Variants in CCSER1 observed in about 807,000 individuals in gnomAD.
The protein encoded by CCSER1 is serine-rich coiled-coil domain-containing protein 1.
Under a neutral mutation model 82.0 loss-of-function variants are expected in CCSER1, and 41 were observed. That is an observed-to-expected ratio of 0.50 (90% CI 0.39 to 0.65). CCSER1 has a LOEUF of 0.65. Ranked by LOEUF, CCSER1 falls within the 30% of genes least tolerant of loss-of-function variation. The probability of loss-of-function intolerance (pLI) is 0.00; values close to 1 mark genes in which losing one functional copy is unlikely to be tolerated. For missense variants in CCSER1, 1,119 were observed against 1,064.2 expected, an observed-to-expected ratio of 1.05 and a Z score of -0.72; for synonymous variants, 414 against 383.9, an observed-to-expected ratio of 1.08 and a Z score of -0.92.
chr4:91,050,652 T>G (rs996195777), intron 9 of CCSER1, among the ~76,000 whole-genome samples: 1 of 152,174 alleles, frequency 6.6e-6, no homozygotes, highest in Non-Finnish European at 1.5e-5. Context: ...CTTTGTCTTG[T>G]TTCAACTAGT....
chr4:91,276,208 T>C (rs1405821204), intron 10 of CCSER1, among the ~76,000 whole-genome samples: 4 of 151,980 alleles, frequency 2.6e-5, no homozygotes, highest in African/African-American at 7.2e-5. Flanking sequence ...GACATTGGTA[T>C]TTTATTAAGG....
intron 4 of CCSER1, among the ~76,000 whole-genome samples, chr4:90,441,313 A>T (rs1475660832): frequency 6.6e-6 from 1 of 152,140 alleles, no homozygotes; most frequent in Non-Finnish European, 1.5e-5. Flanking sequence ...AGTGGCCTAA[A>T]CAATAGATAT....
intron 4 of CCSER1, among the ~76,000 whole-genome samples, chr4:90,421,828 G>A (rs1315576592): frequency 2.0e-5 from 3 of 152,014 alleles, no homozygotes; most frequent in Non-Finnish European, 4.4e-5. Flanking sequence ...GCTTTTTATT[G>A]AAAAATTGGT....
intron 10 of CCSER1, among the ~76,000 whole-genome samples, chr4:91,117,819 T>A (rs1038352889): frequency 2.0e-5 from 3 of 152,190 alleles, no homozygotes; most frequent in African/African-American, 7.2e-5. Flanking sequence ...TTACTTATAT[T>A]ATTTAAACCT....
intron 10 of CCSER1, among the ~76,000 whole-genome samples, chr4:91,539,288 A>C (rs1017286263): frequency 6.6e-6 from 1 of 152,076 alleles, no homozygotes; most frequent in Non-Finnish European, 1.5e-5. Context: ...ATCAAAACCA[A>C]GATCTTTCTG....
intron 9 of CCSER1, among the ~76,000 whole-genome samples, chr4:90,980,771 G>A (rs1581253429): frequency 6.6e-6 from 1 of 151,700 alleles, no homozygotes; most frequent in Non-Finnish European, 1.5e-5. Flanking sequence ...CACGATGAAG[G>A]CCTGGACCAC....
intron 8 of CCSER1, among the ~76,000 whole-genome samples, chr4:90,882,702 C>T (rs1268565246): frequency 6.6e-6 from 1 of 151,776 alleles, no homozygotes; most frequent in African/African-American, 2.4e-5. Flanking sequence ...TTGTAGAAAA[C>T]ACTGAATAGC....
chr4:90,753,838 C>T (rs1205012442), intron 7 of CCSER1, among the ~76,000 whole-genome samples: 1 of 152,138 alleles, frequency 6.6e-6, no homozygotes, highest in African/African-American at 2.4e-5. Context: ...ATTTATCTTG[C>T]AAGTCTTTTC....
intron 7 of CCSER1, among the ~76,000 whole-genome samples, chr4:90,802,084 G>C (rs1756904720): frequency 1.3e-5 from 2 of 151,798 alleles, no homozygotes; most frequent in Admixed American, 1.3e-4. Context: ...CAGGCATGGT[G>C]GTGGGTGCCT....
At chr4:91,158,540 G>C (rs1417554431) in intron 10 of CCSER1, among the ~76,000 whole-genome samples, 2 of 151,846 alleles carry the variant, frequency 1.3e-5, no homozygotes, top group African/African-American at 4.8e-5. Context: ...GTATAATTTT[G>C]TGGTTAGTTT....
intron 1 of CCSER1, among the ~76,000 whole-genome samples, chr4:90,164,354 T>G (rs757153725): frequency 6.6e-6 from 1 of 152,066 alleles, no homozygotes; most frequent in African/African-American, 2.4e-5. Flanking sequence ...ACAAAATTTA[T>G]TTTTAGTTAT....
At chr4:90,998,294 C>G (rs1807358) in intron 9 of CCSER1, among the ~76,000 whole-genome samples, 14,019 of 151,996 alleles carry the variant, frequency 0.092, 752 homozygotes, top group Admixed American at 0.17. Flanking sequence ...TGATCAAGCT[C>G]GTCTCAAACT....
At chr4:90,415,945 G>T (rs911251522) in intron 4 of CCSER1, among the ~76,000 whole-genome samples, 1 of 152,172 alleles carries the variant, frequency 6.6e-6, no homozygotes, top group Non-Finnish European at 1.5e-5. Flanking sequence ...ACTGGGGTAG[G>T]TTGTACATAA....
At chr4:90,310,032 A>G (rs886204834) in intron 2 of CCSER1, among the ~76,000 whole-genome samples, 30 of 152,296 alleles carry the variant, frequency 2.0e-4, no homozygotes, top group African/African-American at 7.0e-4. Flanking sequence ...TAAAATCACT[A>G]TAAAATTTGT....
At chr4:91,150,445 T>C (rs1002078318) in intron 10 of CCSER1, among the ~76,000 whole-genome samples, 2 of 152,226 alleles carry the variant, frequency 1.3e-5, no homozygotes, top group Admixed American at 6.5e-5. Context: ...TTTGACTCCC[T>C]CTTTTCCTAA....
chr4:90,265,407 A>G (rs1725059764), intron 1 of CCSER1, among the ~76,000 whole-genome samples: 1 of 151,904 alleles, frequency 6.6e-6, no homozygotes, highest in Non-Finnish European at 1.5e-5. Context: ...TAAAATTTAA[A>G]TGATCAAATT....
chr4:90,461,256 G>A (rs1233433717), intron 4 of CCSER1, among the ~76,000 whole-genome samples: 4 of 128,412 alleles, frequency 3.1e-5, no homozygotes, highest in Non-Finnish European at 4.8e-5. Context: ...TAGTAGAGAC[G>A]GGGTTTCACC....
intron 10 of CCSER1, among the ~76,000 whole-genome samples, chr4:91,370,852 C>T (rs1005173648): frequency 6.6e-6 from 1 of 151,950 alleles, no homozygotes; most frequent in African/African-American, 2.4e-5. Flanking sequence ...CTTTGTGTTA[C>T]AAGCATTCAA....
chr4:91,259,767 T>G (rs1740969405), intron 10 of CCSER1, among the ~76,000 whole-genome samples: 1 of 152,140 alleles, frequency 6.6e-6, no homozygotes, highest in Non-Finnish European at 1.5e-5. Flanking sequence ...CAGAGGACAT[T>G]AACTCATCTT....
Sources: gnomAD v4.1 joint callset for allele counts (sites outside exome capture counted in the v4.1 genomes callset) on GRCh38, gnomAD v4.1.1 for gene constraint, MANE v1.5 for transcripts, NCBI Gene and HGNC (gene_info 2026-07-23, HGNC 2026-07-21) for gene names.